DNAI2: variants seen among roughly 807,000 people sequenced by gnomAD.
DNAI2 encodes dynein axonemal intermediate chain 2.
A neutral mutation model predicts 74.7 loss-of-function variants in DNAI2; 63 were observed. The observed-to-expected ratio is 0.84, with a 90% confidence interval of 0.69 to 1.04. The LOEUF (loss-of-function observed/expected upper bound fraction) is 1.04, where lower values mean the gene tolerates loss of function less well. Ranked by LOEUF, DNAI2 falls within the 50% of genes least tolerant of loss-of-function variation. DNAI2 has a pLI of 0.00. For missense variants in DNAI2, 688 were observed against 803.2 expected, an observed-to-expected ratio of 0.86 and a Z score of 1.73; for synonymous variants, 289 against 314.9, an observed-to-expected ratio of 0.92 and a Z score of 0.87.
chr17:74,307,628 A>G (rs1470952343), intron 9 of DNAI2, among the ~76,000 whole-genome samples: 1 of 151,968 alleles, frequency 6.6e-6, no homozygotes, highest in Non-Finnish European at 1.5e-5. Flanking sequence ...GCGCCACTGC[A>G]CTCCAGCCTG....
chr17:74,309,522 G>A lies in DNAI2; in HGVS notation c.1347+134G>A, dbSNP rs751007987. The A allele has an allele frequency of 1.1e-5, 14 of 1,283,778 alleles. No homozygotes were observed. The Middle Eastern group carries it at 5.5e-4, about 50-fold the overall frequency. 79.5% of individuals were successfully genotyped at this position (1,283,778 alleles called of 1,614,324 possible). ...GTTTGGGCCTCTGTGGGGGAGCCGT[G>A]TGCAGGCTGACTGCAGCGATTGCTT... On this transcript the variant is annotated intron_variant, in intron 10 of 13. Transcript: ENST00000311014.
At position 74,309,398 on chromosome 17, in the gene DNAI2, A is replaced by T. The variant is rs1283195124; in HGVS notation, c.1347+10A>T. 1.9e-6 allele frequency: 3 copies of T among 1,614,012 alleles called. No individual in the cohort carries two copies. Among genetic ancestry groups the T allele is most frequent in the Non-Finnish European group, 2.5e-6 (3 of 1,180,020 alleles). ...CACCCTCAGCTTGAAGGTCACGCGC[A>T]TGTCCCTCCTTGTGCATCCAGGTCC... On this transcript the variant is annotated intron_variant, in intron 10 of 13. Transcript: ENST00000311014.
rs2053358108 is a variant in DNAI2 at position 74,309,158 on chromosome 17, C to T, written c.1212-95C>T. 5.0e-6 allele frequency: 7 copies of T among 1,395,044 alleles called. No individual in the cohort carries two copies. In the Admixed American group the frequency reaches 1.3e-4, roughly 26 times the overall value. 86.4% of individuals were successfully genotyped at this position (1,395,044 alleles called of 1,614,324 possible). A position where few individuals can be genotyped will look rare whatever the true frequency, so the allele number is the denominator to read the frequency against. Reference sequence around the variant, plus strand: ...AGGAAGAACTTCCTACCTAGCAAGACTCTGAGATCCTGGAGCCCAGAAGGG... The same window carrying T: ...AGGAAGAACTTCCTACCTAGCAAGATTCTGAGATCCTGGAGCCCAGAAGGG... On this transcript the variant is annotated intron_variant, in intron 9 of 13. Coordinates refer to ENST00000311014, the MANE Select transcript of DNAI2 (RefSeq NM_023036.6).
intron 8 of DNAI2, 69 bp downstream of exon 8, chr17:74,301,237 T>C: frequency 6.2e-7 from 1 of 1,603,536 alleles, no homozygotes; most frequent in Non-Finnish European, 8.5e-7. Flanking sequence ...GACAGGCCAT[T>C]GCTAGGATAT....
At position 74,309,319 on chromosome 17, in the gene DNAI2, C is replaced by T. The variant is rs370421003; in HGVS notation, c.1278C>T (p.Thr426=). The change falls in exon 10 of 14, where the codon ACC becomes ACT. Residue 426 remains threonine (T), a synonymous_variant. Coordinates refer to ENST00000311014, the MANE Select transcript of DNAI2 (RefSeq NM_023036.6). ...TGAGGCCGACCGTTTTCTTTACCAC[C>T]AGGATGGACGGAACCCTGGATATCT... ...SPVRPTVFFT[T]RMDGTLDIWD... 4.5e-5 allele frequency: 73 copies of T among 1,614,010 alleles called. No individual in the cohort carries two copies. The highest frequency in any genetic ancestry group is 6.1e-5 in the Non-Finnish European group (72 of 1,180,018).
rs1312450533 is a variant in DNAI2 at position 74,281,894 on chromosome 17, A to G, written c.77A>G (p.Glu26Gly). ...KQCNFSDRQA[E>G]LNIDIMPNPE... is the part of the protein sequence containing the mutation. Reference sequence around the variant, plus strand: ...TGCAATTTCTCGGACCGCCAGGCCGAGCTGAACATCGACATCATGCCCAAC... The same window carrying G: ...TGCAATTTCTCGGACCGCCAGGCCGGGCTGAACATCGACATCATGCCCAAC... Residue 26 changes from glutamate to glycine, a missense_variant, in exon 2 of 14, where the codon GAG becomes GGG. Physicochemically the swap from Glu to Gly is moderately conservative, Grantham distance 98. Coordinates refer to ENST00000311014, the MANE Select transcript of DNAI2 (RefSeq NM_023036.6). The G allele has an allele frequency of 6.2e-7, 1 of 1,613,994 alleles. No individual in the cohort carries two copies. Among genetic ancestry groups the G allele is most frequent in the African/African-American group, 1.3e-5 (1 of 74,904 alleles).
rs775110998 is a variant in DNAI2 at position 74,310,071 on chromosome 17, G to A, written c.1402G>A (p.Ala468Thr). 1.9e-5 allele frequency: 30 copies of A among 1,613,748 alleles called. No homozygotes were observed. The highest frequency in any genetic ancestry group is 2.5e-5 in the Non-Finnish European group (29 of 1,180,030). ...GGTGCAGGACAATGGGTGTCTCATC[G>A]CCTGCGGCTCCCAGCTGGGGACAAC... ...LRVQDNGCLI[A>T]CGSQLGTTTL... Residue 468 changes from alanine to threonine, a missense_variant, in exon 11 of 14, where the codon GCC becomes ACC. Physicochemically the swap from Ala to Thr is moderately conservative, Grantham distance 58 (BLOSUM62 0). Transcript: ENST00000311014.
intron 1 of DNAI2, among the ~76,000 whole-genome samples, chr17:74,275,818 A>T (rs527807651): frequency 4.7e-4 from 71 of 152,166 alleles, no homozygotes; most frequent in African/African-American, 1.6e-3. Context: ...TGAACTTGGG[A>T]GGCAGAGGTT....
At chr17:74,275,381 G>C (rs1268386751) in intron 1 of DNAI2, among the ~76,000 whole-genome samples, 1 of 152,150 alleles carries the variant, frequency 6.6e-6, no homozygotes, top group Non-Finnish European at 1.5e-5. Flanking sequence ...TTTGAGGGTA[G>C]AGTGAGTCCC....
Position 74,299,867 on chromosome 17 carries a change from A to T in DNAI2, c.864+10A>T. On this transcript the variant is annotated intron_variant, in intron 7 of 13. Coordinates refer to ENST00000311014, the MANE Select transcript of DNAI2 (RefSeq NM_023036.6). ...TTCCACGGATGGGCAGGTACCCACC[A>T]GCCAGACACTGGAGAGAGGAGGGAA... is the stretch of plus-strand genomic sequence containing the variant. 1 of 1,613,358 alleles carries T rather than the reference A, an allele frequency of 6.2e-7. No homozygotes were observed. Among genetic ancestry groups the T allele is most frequent in the Non-Finnish European group, 8.5e-7 (1 of 1,180,016 alleles).
chr17:74,314,523 G>C, intron 13 of DNAI2, 66 bp from the exon 14 acceptor site: 1 of 382,850 alleles, frequency 2.6e-6, no homozygotes, highest in South Asian at 2.2e-5. Context: ...TCCTAGTCCT[G>C]GATGTCTCCT....
At chr17:74,308,187 T>G (rs117302064) in intron 9 of DNAI2, among the ~76,000 whole-genome samples, 3,756 of 152,292 alleles carry the variant, frequency 0.025, 47 homozygotes, top group African/African-American at 0.035. Flanking sequence ...AAGTGTAGTC[T>G]GCCTTGCTCA....
intron 6 of DNAI2, among the ~76,000 whole-genome samples, chr17:74,295,528 G>C (rs1452361002): frequency 2.6e-5 from 4 of 152,310 alleles, no homozygotes; most frequent in African/African-American, 7.2e-5. Context: ...TAGCATAGCT[G>C]ATGTGAGGCC....
At chr17:74,277,849 G>A (rs557415582) in intron 1 of DNAI2, among the ~76,000 whole-genome samples, 5 of 152,358 alleles carry the variant, frequency 3.3e-5, no homozygotes, top group South Asian at 4.1e-4. Flanking sequence ...TTTCAGAAAC[G>A]CTGGTTGAGA....
chr17:74,290,533 T>G (rs1227439343), intron 5 of DNAI2, among the ~76,000 whole-genome samples: 1 of 152,178 alleles, frequency 6.6e-6, no homozygotes, highest in East Asian at 1.9e-4. Flanking sequence ...CTCTCCAGCT[T>G]CCCTTCGTTG....
intron 1 of DNAI2, among the ~76,000 whole-genome samples, chr17:74,277,602 C>G (rs1479220166): frequency 2.0e-5 from 3 of 152,176 alleles, no homozygotes; most frequent in African/African-American, 7.2e-5. Flanking sequence ...CTGGCACATG[C>G]TTCTAGGGGC....
In DNAI2 at chr17:74,286,305, A is replaced by ATAATAATAAT. The variant is rs2051729527; in HGVS notation, c.346-671_346-662dup. On this transcript the variant is annotated intron_variant, in intron 3 of 13. Transcript: ENST00000311014. ...AGCAAGACTGTGTCTCAAAATAATA[A>ATAATAATAAT]TAATAATAATAATAATAATAATAAT... is the stretch of plus-strand genomic sequence containing the variant. Among the ~76,000 whole-genome samples, 5 of 71,424 alleles carry ATAATAATAAT rather than the reference A, an allele frequency of 7.0e-5. No individual in the cohort carries two copies. In the South Asian group the frequency reaches 1.6e-3, roughly 22 times the overall value. The allele number at this position is 71,424 out of a possible 152,430, so 46.9% of individuals were successfully genotyped here.
At chr17:74,290,997 G>C (rs765922331) in intron 5 of DNAI2, 23 bp from the exon 6 acceptor site, 2 of 1,603,204 alleles carry the variant, frequency 1.2e-6, no homozygotes, top group Non-Finnish European at 8.5e-7. Flanking sequence ...GCCTGGTGGG[G>C]ATAATTTTTT....
intron 6 of DNAI2, among the ~76,000 whole-genome samples, chr17:74,293,865 C>A (rs2052273053): frequency 6.6e-6 from 1 of 151,806 alleles, no homozygotes; most frequent in South Asian, 2.1e-4. Flanking sequence ...CTCACTGCAA[C>A]CTCCGCCTCC....
Sources: gnomAD v4.1 joint callset for allele counts (sites outside exome capture counted in the v4.1 genomes callset) on GRCh38, gnomAD v4.1.1 for gene constraint, MANE v1.5 for transcripts, NCBI Gene and HGNC (gene_info 2026-07-23, HGNC 2026-07-21) for gene names.